The following TGFA variants were observed in gnomAD, a reference collection of about 807,000 sequenced individuals.
TGFA encodes the protein transforming growth factor alpha.
TGFA carries 12 observed loss-of-function variants against 21.7 expected under a neutral mutation model. That is an observed-to-expected ratio of 0.55 (90% CI 0.35 to 0.90). The LOEUF is 0.90. TGFA is among the 40% of genes least tolerant of loss of function. TGFA has a pLI of 0.01. For synonymous variants in TGFA, 79 were observed against 88.1 expected, an observed-to-expected ratio of 0.90 and a Z score of 0.58; for missense variants, 178 against 210.8, an observed-to-expected ratio of 0.84 and a Z score of 0.96.
chr2:70,510,851 A>C (rs1672074910), intron 2 of TGFA, among the ~76,000 whole-genome samples: 1 of 152,178 alleles, frequency 6.6e-6, no homozygotes, highest in Non-Finnish European at 1.5e-5. Context: ...CCCAAAATGC[A>C]CAAGAAAGGC....
chr2:70,539,763 T>C (rs1553504999), intron 1 of TGFA, among the ~76,000 whole-genome samples: 3 of 152,216 alleles, frequency 2.0e-5, no homozygotes, highest in African/African-American at 7.2e-5. Flanking sequence ...ACAACCTTGA[T>C]ATTTCAATCT....
intron 1 of TGFA, among the ~76,000 whole-genome samples, chr2:70,535,242 C>T (rs943486845): frequency 2.0e-5 from 3 of 152,182 alleles, no homozygotes; most frequent in Admixed American, 1.3e-4. Context: ...GTACCTCATG[C>T]CATATTGTAA....
intron 1 of TGFA, among the ~76,000 whole-genome samples, chr2:70,550,223 A>T (rs1673447083): frequency 6.6e-6 from 1 of 152,178 alleles, no homozygotes; most frequent in Admixed American, 6.5e-5. Flanking sequence ...TTATCTCTGG[A>T]TTATAAAATC....
intron 5 of TGFA, chr2:70,451,849 T>C: frequency 4.5e-6 from 3 of 667,612 alleles, no homozygotes; most frequent in Non-Finnish European, 2.7e-6. Flanking sequence ...AAGCAGGCTG[T>C]CATCAGACTC....
At chr2:70,467,524 A>G (rs1670605231) in intron 2 of TGFA, 1 of 152,172 alleles carries the variant, frequency 6.6e-6, no homozygotes, top group Non-Finnish European at 1.5e-5. Flanking sequence ...CATTTTGTCC[A>G]AAGTAAATTT....
At chr2:70,520,184 C>T (rs1426061474) in intron 1 of TGFA, among the ~76,000 whole-genome samples, 1 of 152,158 alleles carries the variant, frequency 6.6e-6, no homozygotes, top group Non-Finnish European at 1.5e-5. Flanking sequence ...GGTCATGACC[C>T]TCCTCCCTTT....
rs530282671 is a variant in TGFA, at chr2:70,533,020, C to T, written c.41-18108G>A. 1.4e-4 allele frequency among the ~76,000 whole-genome samples: 21 copies of T among 151,792 alleles called. 1 individual carries two copies. The South Asian group carries it at 4.4e-3, about 32-fold the overall frequency. The stretch of plus-strand genomic sequence containing the variant: ...GGGGTGACAGATGCACACAACCACG[C>T]CCAGCTAATTTTTGTATTTTTTTTT... On this transcript the variant is annotated intron_variant, in intron 1 of 5. Coordinates refer to ENST00000295400, the MANE Select transcript of TGFA (RefSeq NM_003236.4).
intron 1 of TGFA, among the ~76,000 whole-genome samples, chr2:70,541,630 C>A (rs933131376): frequency 3.9e-5 from 6 of 152,140 alleles, no homozygotes; most frequent in African/African-American, 1.4e-4. Flanking sequence ...TGCACGTGTT[C>A]TATGAATGAG....
At position 70,447,292 on chromosome 2, in the gene TGFA, A is replaced by C. The variant is rs1172060586; in HGVS notation, c.*3567T>G. ...AAACACTCCAGTCTTGATTTAGGAA[A>C]AAAAGATTCATTCCTTCATCCTTCC... On this transcript the variant is annotated 3_prime_UTR_variant, in exon 6 of 6. Coordinates refer to ENST00000295400, the MANE Select transcript of TGFA (RefSeq NM_003236.4). The C allele has an allele frequency of 6.6e-6, 1 of 152,654 alleles. No individual in the cohort carries two copies. Among genetic ancestry groups the C allele is most frequent in the Non-Finnish European group, 1.5e-5 (1 of 68,042 alleles). 9.5% of individuals were successfully genotyped at this position (152,654 alleles called of 1,614,324 possible). A position where few individuals can be genotyped will look rare whatever the true frequency, so the allele number is the denominator to read the frequency against.
At chr2:70,495,233 T>C (rs1392641966) in intron 2 of TGFA, among the ~76,000 whole-genome samples, 1 of 152,260 alleles carries the variant, frequency 6.6e-6, no homozygotes, top group African/African-American at 2.4e-5. Context: ...TGTCAGCTTA[T>C]GCATAACTGG....
chr2:70,523,176 T>C (rs896923284), intron 1 of TGFA, among the ~76,000 whole-genome samples: 7 of 152,114 alleles, frequency 4.6e-5, no homozygotes, highest in African/African-American at 1.7e-4. Context: ...ACCCCTGAAA[T>C]ATTTTATTTT....
At chr2:70,541,617 G>A (rs901794069) in intron 1 of TGFA, among the ~76,000 whole-genome samples, 1 of 152,198 alleles carries the variant, frequency 6.6e-6, no homozygotes, top group Non-Finnish European at 1.5e-5. Flanking sequence ...TGGCAGCAGA[G>A]GATGCACGTG....
Position 70,541,577 on chromosome 2 carries a change from AGT to A in TGFA, c.40+12149_40+12150del, listed in dbSNP as rs781867672. On this transcript the variant is annotated intron_variant, in intron 1 of 5. Coordinates refer to ENST00000295400, the MANE Select transcript of TGFA (RefSeq NM_003236.4). ...ATTGAACTGAGGCTGGTGGAAAAGG[AGT>A]GTGTCGTGAAGAGCTCACACAGGGA... 3.9e-5 allele frequency among the ~76,000 whole-genome samples: 6 copies of A among 152,178 alleles called. No individual in the cohort carries two copies. In the South Asian group the frequency reaches 1.2e-3, roughly 32 times the overall value.
intron 3 of TGFA, among the ~76,000 whole-genome samples, chr2:70,459,030 G>A (rs781926672): frequency 2.0e-5 from 3 of 152,166 alleles, no homozygotes; most frequent in Non-Finnish European, 2.9e-5. Flanking sequence ...TCTTTCTCCC[G>A]GGGAAAGGTA....
chr2:70,539,504 G>T (rs927225106), intron 1 of TGFA, among the ~76,000 whole-genome samples: 1 of 152,164 alleles, frequency 6.6e-6, no homozygotes, highest in Non-Finnish European at 1.5e-5. Flanking sequence ...GCCCAGGCTG[G>T]AGTGAAGTGG....
chr2:70,509,170 G>A (rs1386917627), intron 2 of TGFA, among the ~76,000 whole-genome samples: 12 of 152,196 alleles, frequency 7.9e-5, no homozygotes, highest in Non-Finnish European at 1.8e-4. Flanking sequence ...GAGCCATGTA[G>A]TACCTGGGTA....
chr2:70,473,399 T>C (rs1036552360), intron 2 of TGFA, among the ~76,000 whole-genome samples: 4 of 151,242 alleles, frequency 2.6e-5, no homozygotes, highest in Admixed American at 2.0e-4. Flanking sequence ...GAGGTGAGAA[T>C]AATTCTTACT....
At chr2:70,551,281 G>T (rs549754990) in intron 1 of TGFA, among the ~76,000 whole-genome samples, 2 of 152,148 alleles carry the variant, frequency 1.3e-5, no homozygotes, top group South Asian at 2.1e-4. Context: ...GCCCCCGTGC[G>T]GTCTGCCTGC....
At chr2:70,525,469 A>G (rs1178558425) in intron 1 of TGFA, among the ~76,000 whole-genome samples, 5 of 152,224 alleles carry the variant, frequency 3.3e-5, no homozygotes, top group Admixed American at 6.5e-5. Flanking sequence ...AGTTCAATCA[A>G]GAAGGAAACA....
Sources: gnomAD v4.1 joint callset for allele counts (sites outside exome capture counted in the v4.1 genomes callset) on GRCh38, gnomAD v4.1.1 for gene constraint, MANE v1.5 for transcripts, NCBI Gene and HGNC (gene_info 2026-07-23, HGNC 2026-07-21) for gene names.